Variants in KIAA1671 observed in about 807,000 individuals in gnomAD.
KIAA1671 encodes uncharacterized protein KIAA1671.
In KIAA1671, 52 loss-of-function variants were observed where a neutral mutation model predicts 131.2. The ratio of observed to expected loss-of-function variants is 0.40; its 90% CI spans 0.32 to 0.50. The LOEUF (loss-of-function observed/expected upper bound fraction) is 0.50, where lower values mean the gene tolerates loss of function less well. KIAA1671 is among the 20% of genes least tolerant of loss of function. The probability of loss-of-function intolerance (pLI) is 0.73; values close to 1 mark genes in which losing one functional copy is unlikely to be tolerated. For synonymous variants in KIAA1671, 1,003 were observed against 961.6 expected (o/e 1.04, Z -0.80); for missense variants, 2,360 against 2,364.2 (o/e 1.00, Z 0.04).
intron 9 of KIAA1671, among the ~76,000 whole-genome samples, chr22:25,180,455 T>A (rs1363838463): frequency 6.6e-6 from 1 of 152,056 alleles, no homozygotes; most frequent in African/African-American, 2.4e-5. Context: ...GGAGAATCGA[T>A]TGAACCCAGG....
chr22:25,128,543 CTG>C (rs1932287040), intron 6 of KIAA1671, among the ~76,000 whole-genome samples: 1 of 152,192 alleles, frequency 6.6e-6, no homozygotes, highest in African/African-American at 2.4e-5. Flanking sequence ...CTACAGAAGA[CTG>C]TGGGTCTGTT....
rs1336600065 is a variant in KIAA1671 at position 24,990,545 on chromosome 22, G to A, written c.-207-35088G>A. Among the ~76,000 whole-genome samples, 11 of 152,178 alleles carry A rather than the reference G, an allele frequency of 7.2e-5. No individual in the cohort carries two copies. The East Asian group carries it at 1.7e-3, about 24-fold the overall frequency. Reference sequence around the variant, plus strand: ...ACACACATGTGCCTGCCCAATGTGCGCCCACGCCAGCAGCAGCCCTGGGTG... The same window carrying A: ...ACACACATGTGCCTGCCCAATGTGCACCCACGCCAGCAGCAGCCCTGGGTG... On this transcript the variant is annotated intron_variant, in intron 1 of 12. Transcript: ENST00000358431.
intron 11 of KIAA1671, among the ~76,000 whole-genome samples, chr22:25,188,937 C>T (rs138692856): frequency 3.9e-5 from 6 of 151,986 alleles, no homozygotes; most frequent in African/African-American, 9.7e-5. Flanking sequence ...TATACATGTA[C>T]GTATATAGAT....
chr22:25,095,963 A>G (rs1930373640), intron 6 of KIAA1671, among the ~76,000 whole-genome samples: 1 of 152,220 alleles, frequency 6.6e-6, no homozygotes, highest in Admixed American at 6.5e-5. Context: ...TGACAGCAAT[A>G]GCACTGTCCC....
Position 25,179,361 on chromosome 22 carries a change from T to C in KIAA1671, c.5074+1839T>C, listed in dbSNP as rs896434582. The C allele has an allele frequency of 3.1e-6, 5 of 1,602,342 alleles. No homozygotes were observed. The African/African-American group carries it at 5.4e-5, about 17-fold the overall frequency. On this transcript the variant is annotated intron_variant, in intron 9 of 12. Transcript: ENST00000358431. ...CTTGTTCCTGCGCACCTCGGCCGCG[T>C]GCAGCTCCTCGCGCAGCCGCTCGCG...
At chr22:24,963,034 G>C (rs968867764) in intron 1 of KIAA1671, among the ~76,000 whole-genome samples, 1 of 152,070 alleles carries the variant, frequency 6.6e-6, no homozygotes, top group African/African-American at 2.4e-5. Flanking sequence ...ATGAGTATCC[G>C]CAGGGGTCAC....
intron 9 of KIAA1671, among the ~76,000 whole-genome samples, chr22:25,178,953 C>T (rs1190829991): frequency 6.6e-6 from 1 of 152,272 alleles, no homozygotes; most frequent in Non-Finnish European, 1.5e-5. Context: ...CTGCCCTGAC[C>T]TGCACGTGCT....
rs1926837516 is a variant in KIAA1671 at position 25,040,290 on chromosome 22, C to A, written c.3160C>A (p.His1054Asn). 3.2e-6 allele frequency: 5 copies of A among 1,551,614 alleles called. No individual in the cohort carries two copies. In the South Asian group the frequency reaches 5.9e-5, roughly 18 times the overall value. ...GTCAGGAGCTGAAAGCTTGCTGGAA[C>A]ATTCTAGAAAAATCACTCCACCCTC... ...VLSGAESLLE[H>N]SRKITPPSSP... is the part of the protein sequence containing the mutation. The change falls in exon 5 of 13, where the codon CAT becomes AAT. Residue 1054 changes from histidine (H) to asparagine (N), a missense_variant. Coordinates refer to ENST00000358431, the MANE Select transcript of KIAA1671 (RefSeq NM_001145206.2).
chr22:24,995,689 G>A (rs1924096904), intron 1 of KIAA1671, among the ~76,000 whole-genome samples: 1 of 152,130 alleles, frequency 6.6e-6, no homozygotes, highest in Admixed American at 6.5e-5. Flanking sequence ...ATAATAATAC[G>A]GTTATGAGGA....
At chr22:25,017,208 C>A (rs1177572845) in intron 1 of KIAA1671, among the ~76,000 whole-genome samples, 1 of 152,134 alleles carries the variant, frequency 6.6e-6, no homozygotes, top group South Asian at 2.1e-4. Context: ...CATGGCAAAA[C>A]CCCGTCTCTA....
At chr22:24,963,328 C>T (rs1407348240) in intron 1 of KIAA1671, among the ~76,000 whole-genome samples, 1 of 140,212 alleles carries the variant, frequency 7.1e-6, no homozygotes, top group South Asian at 2.3e-4. Flanking sequence ...CACGCCACTG[C>T]ACTCCAGCCT....
intron 6 of KIAA1671, among the ~76,000 whole-genome samples, chr22:25,080,867 A>G (rs1024995582): frequency 6.6e-6 from 1 of 151,458 alleles, no homozygotes; most frequent in African/African-American, 2.4e-5. Context: ...CCAAGCCTAG[A>G]CTTCCACTTT....
rs1925915570 is a variant in KIAA1671 at position 25,025,760 on chromosome 22, CCT to C, written c.-79_-78del. The C allele has an allele frequency of 6.6e-6, 1 of 152,274 alleles. No individual in the cohort carries two copies. The highest frequency in any genetic ancestry group is 2.4e-5 in the African/African-American group (1 of 41,454). The allele number at this position is 152,274 out of a possible 1,614,324, so 9.4% of individuals were successfully genotyped here. ...CTGGCTTTTCCCGGCAGTCACACCC[CCT>C]GACCCAGGGCCTGCCAGCTTGGGTA... is the stretch of plus-strand genomic sequence containing the variant. On this transcript the variant is annotated 5_prime_UTR_variant, in exon 2 of 13. The change abolishes the stop of an existing upstream ORF in the 5' untranslated region. Transcript: ENST00000358431.
chr22:25,137,157 C>CTTCTGTAAT (rs1287685069), intron 6 of KIAA1671, among the ~76,000 whole-genome samples: 1 of 152,196 alleles, frequency 6.6e-6, no homozygotes, highest in African/African-American at 2.4e-5. Flanking sequence ...TCTAAGCTCA[C>CTTCTGTAAT]TTCTGTAATT....
Position 25,041,073 on chromosome 22 carries a change from C to G in KIAA1671, c.3943C>G (p.Pro1315Ala), listed in dbSNP as rs1021927483. 1 of 1,535,860 alleles carries G rather than the reference C, an allele frequency of 6.5e-7. No homozygotes were observed. The highest frequency in any genetic ancestry group is 8.8e-7 in the Non-Finnish European group (1 of 1,139,282). ...AAGGTATCCAGGGGGCTCTCCTATA[C>G]CTGCGGATCCCAGGAAAAAAACGGG... ...SERYPGGSPI[P>A]ADPRKKTGFA... Residue 1315 changes from proline to alanine, a missense_variant, in exon 5 of 13, where the codon CCT becomes GCT. By Grantham distance (27) the Pro-to-Ala change is conservative (BLOSUM62 -1). Around this residue, in one of 3 missense-constraint regions of KIAA1671, gnomAD observed 1,161 missense variants for 1,204.7 expected, o/e 0.96. Transcript: ENST00000358431.
At chr22:25,121,057 G>T (rs867425517) in intron 6 of KIAA1671, among the ~76,000 whole-genome samples, 1 of 152,118 alleles carries the variant, frequency 6.6e-6, no homozygotes, top group Non-Finnish European at 1.5e-5. Context: ...CAGATGTTTT[G>T]TTCAGACAAA....
intron 6 of KIAA1671, among the ~76,000 whole-genome samples, chr22:25,126,877 T>C (rs1932208263): frequency 6.6e-6 from 1 of 152,206 alleles, no homozygotes; most frequent in Non-Finnish European, 1.5e-5. Flanking sequence ...GTGTAATATG[T>C]TAAAAATAAT....
chr22:24,989,950 C>T (rs1602049436), intron 1 of KIAA1671, among the ~76,000 whole-genome samples: 1 of 152,096 alleles, frequency 6.6e-6, no homozygotes, highest in East Asian at 1.9e-4. Flanking sequence ...TGGTAGAGAG[C>T]TTTTTCTAGC....
intron 6 of KIAA1671, among the ~76,000 whole-genome samples, chr22:25,146,286 T>A (rs776176977): frequency 2.9e-4 from 44 of 152,208 alleles, no homozygotes; most frequent in Admixed American, 2.5e-3. Flanking sequence ...CTGTCTGACC[T>A]CAGACCAGTT....
Sources: gnomAD v4.1 joint callset for allele counts (sites outside exome capture counted in the v4.1 genomes callset) on GRCh38, gnomAD v4.1.1 for gene constraint, gnomAD v4.1.1 regional missense constraint, MANE v1.5 for transcripts, NCBI Gene and HGNC (gene_info 2026-07-23, HGNC 2026-07-21) for gene names.